Variants in BCL2L11 observed in about 807,000 individuals in gnomAD.
BCL2L11 encodes BCL2 like 11, also known as bcl-2-like protein 11.
Under a neutral mutation model 20.6 loss-of-function variants are expected in BCL2L11, and 15 were observed. The observed-to-expected ratio is 0.73, with a 90% CI of 0.49 to 1.12. BCL2L11 has a LOEUF of 1.12. Ranked by LOEUF, BCL2L11 falls within the 50% of genes most tolerant of loss-of-function variation. The pLI is 0.00. For missense variants in BCL2L11, 292 were observed against 260.9 expected (o/e 1.12, Z -0.82); for synonymous variants, 108 against 92.8 (o/e 1.16, Z -0.94).
rs1468461743 is a variant in BCL2L11, at chr2:111,167,766, A to G, written c.*3535A>G. Reference sequence around the variant, plus strand: ...CTAACTTGTCTTCAGGAGCTAATTAACTGTACAGCCCTCCCCACGCCCCAC... The same window carrying G: ...CTAACTTGTCTTCAGGAGCTAATTAGCTGTACAGCCCTCCCCACGCCCCAC... On this transcript the variant is annotated 3_prime_UTR_variant, in exon 4 of 4. Transcript: ENST00000393256. 6.6e-6 allele frequency: 1 copy of G among 152,390 alleles called. No homozygotes were observed. The allele number at this position is 152,390 out of a possible 1,614,324, so 9.4% of individuals were successfully genotyped here.
intron 2 of BCL2L11, among the ~76,000 whole-genome samples, chr2:111,141,210 C>T: frequency 6.6e-6 from 1 of 152,040 alleles, no homozygotes; most frequent in Non-Finnish European, 1.5e-5. Flanking sequence ...TAGAACAATC[C>T]ACACGTATGT....
At chr2:111,140,128 G>A (rs2075570675) in intron 2 of BCL2L11, among the ~76,000 whole-genome samples, 2 of 152,350 alleles carry the variant, frequency 1.3e-5, no homozygotes, top group South Asian at 4.1e-4. Flanking sequence ...AGTCTGGGCT[G>A]TGCTTAGTGT....
chr2:111,160,194 C>A (rs184927059), intron 3 of BCL2L11, among the ~76,000 whole-genome samples: 37 of 152,354 alleles, frequency 2.4e-4, no homozygotes, highest in Admixed American at 2.4e-3. Flanking sequence ...CCAAGAAATT[C>A]TCCTCTTCCT....
rs72948367 is a variant in BCL2L11, at chr2:111,159,972, G to C, written c.499-4161G>C. On this transcript the variant is annotated intron_variant, in intron 3 of 3. Coordinates refer to ENST00000393256, the MANE Select transcript of BCL2L11 (RefSeq NM_138621.5). ...TTAAGTCTATGCTGAGGAACTTGTA[G>C]ACACATAATCCTATGCCTTTACACT... Among the ~76,000 whole-genome samples the C allele has an allele frequency of 4.6e-3, 707 of 152,374 alleles. 5 individuals are homozygous for C. Among genetic ancestry groups the C allele is most frequent in the African/African-American group, 0.016 (678 of 41,584 alleles).
intron 3 of BCL2L11, chr2:111,161,273 G>C: frequency 9.8e-7 from 1 of 1,021,882 alleles, no homozygotes; most frequent in Non-Finnish European, 1.5e-6. Context: ...ATACCCAGAA[G>C]TTTCAGGAGG....
chr2:111,153,605 ATCC>A (rs1397092290), intron 3 of BCL2L11, among the ~76,000 whole-genome samples: 6 of 152,242 alleles, frequency 3.9e-5, no homozygotes, highest in Non-Finnish European at 8.8e-5. Flanking sequence ...CAAGGGAATT[ATCC>A]TCTCTTGGCA....
chr2:111,125,672 T>TTGTC (rs1348371683), intron 2 of BCL2L11, among the ~76,000 whole-genome samples: 2 of 152,146 alleles, frequency 1.3e-5, no homozygotes, highest in African/African-American at 4.8e-5. Context: ...TGGTGGTCAC[T>TTGTC]TGTCAGAGGT....
chr2:111,142,669 T>C (rs2076000711), intron 2 of BCL2L11, among the ~76,000 whole-genome samples: 1 of 152,212 alleles, frequency 6.6e-6, no homozygotes, highest in Non-Finnish European at 1.5e-5. Context: ...GTCTTTCTTA[T>C]CATGGAGGTG....
chr2:111,122,427 C>T (rs1261776006), intron 1 of BCL2L11, among the ~76,000 whole-genome samples: 1 of 152,216 alleles, frequency 6.6e-6, no homozygotes, highest in Non-Finnish European at 1.5e-5. Context: ...CCGCCACGAC[C>T]ACGGCCAGAG....
At chr2:111,126,355 G>C (rs915289824) in intron 2 of BCL2L11, among the ~76,000 whole-genome samples, 1 of 152,154 alleles carries the variant, frequency 6.6e-6, no homozygotes, top group African/African-American at 2.4e-5. Flanking sequence ...GTGAAGTAAA[G>C]TAGTGGATCC....
chr2:111,137,188 G>A (rs2075047411), intron 2 of BCL2L11, among the ~76,000 whole-genome samples: 1 of 152,184 alleles, frequency 6.6e-6, no homozygotes, highest in South Asian at 2.1e-4. Context: ...GTTGAATGCT[G>A]TACATTCTGA....
intron 2 of BCL2L11, among the ~76,000 whole-genome samples, chr2:111,136,288 G>A (rs933424400): frequency 2.0e-5 from 3 of 152,202 alleles, no homozygotes; most frequent in Non-Finnish European, 4.4e-5. Context: ...GAGGAAAACG[G>A]CATACTCCCT....
In BCL2L11 at chr2:111,124,233, C is replaced by G. The variant is rs72948328; in HGVS notation, c.394+94C>G. 54 of 1,358,002 alleles carry G rather than the reference C, an allele frequency of 4.0e-5. No homozygotes were observed. In the Admixed American group the frequency reaches 1.1e-3, roughly 28 times the overall value. 84.1% of individuals were successfully genotyped at this position (1,358,002 alleles called of 1,614,324 possible). A position where few individuals can be genotyped will look rare whatever the true frequency, so the allele number is the denominator to read the frequency against. ...CATTTAAAATCCCCTTTTAAAACCC[C>G]GTAACTGATTTATTCCATCTTTAGA... is the stretch of plus-strand genomic sequence containing the variant. On this transcript the variant is annotated intron_variant, in intron 2 of 3. Transcript: ENST00000393256.
At position 111,153,939 on chromosome 2, in the gene BCL2L11, T is replaced by C. The variant is rs546486234; in HGVS notation, c.498+3792T>C. The C allele has an allele frequency of 5.4e-6, 8 of 1,488,198 alleles. No homozygotes were observed. The South Asian group carries it at 9.4e-5, about 17-fold the overall frequency. 92.2% of individuals were successfully genotyped at this position (1,488,198 alleles called of 1,614,324 possible). A position where few individuals can be genotyped will look rare whatever the true frequency, so the allele number is the denominator to read the frequency against. On this transcript the variant is annotated intron_variant, in intron 3 of 3. Coordinates refer to ENST00000393256, the MANE Select transcript of BCL2L11 (RefSeq NM_138621.5). Reference sequence around the variant, plus strand: ...AAGTCCCAGTGCATGTCCCCTCTTCTCTCCCGATGCAGTGTCATTCCCAGG... The same window carrying C: ...AAGTCCCAGTGCATGTCCCCTCTTCCCTCCCGATGCAGTGTCATTCCCAGG...
chr2:111,128,696 A>G (rs1307622311), intron 2 of BCL2L11: 3 of 1,548,094 alleles, frequency 1.9e-6, no homozygotes, highest in East Asian at 2.5e-5. Flanking sequence ...TTAGATTTGT[A>G]TGGCCACCAC....
chr2:111,152,042 T>A, intron 3 of BCL2L11: 1 of 697,908 alleles, frequency 1.4e-6, no homozygotes. Flanking sequence ...GAAGAACTGG[T>A]GAGAAGTGGG....
chr2:111,123,134 CGGGAGCGGGA>C, intron 1 of BCL2L11: 1 of 983,404 alleles, frequency 1.0e-6, no homozygotes. Context: ...GCGTGCGGTA[CGGGAGCGGGA>C]GGGAGGGAGC....
chr2:111,157,959 A>C (rs1242739937), intron 3 of BCL2L11, among the ~76,000 whole-genome samples: 1 of 152,194 alleles, frequency 6.6e-6, no homozygotes, highest in Non-Finnish European at 1.5e-5. Flanking sequence ...TGGTGACATC[A>C]AAGTGCAGCA....
intron 3 of BCL2L11, among the ~76,000 whole-genome samples, chr2:111,154,168 AC>A (rs2077556549): frequency 6.6e-6 from 1 of 152,118 alleles, no homozygotes; most frequent in Non-Finnish European, 1.5e-5. Context: ...TTCAGAAAAA[AC>A]TACAGACATG....
Sources: gnomAD v4.1 joint callset for allele counts (sites outside exome capture counted in the v4.1 genomes callset) on GRCh38, gnomAD v4.1.1 for gene constraint, MANE v1.5 for transcripts, NCBI Gene and HGNC (gene_info 2026-07-23, HGNC 2026-07-21) for gene names.